Variants in CCND3 observed in about 807,000 individuals in gnomAD.
The protein encoded by CCND3 is G1/S-specific cyclin-D3.
In CCND3, 9 loss-of-function variants were observed where a neutral mutation model predicts 28.7. The observed-to-expected ratio is 0.31, with a 90% CI of 0.19 to 0.55. CCND3 has a LOEUF of 0.55. CCND3 is among the 20% of genes least tolerant of loss of function. The pLI is 0.93. For synonymous variants in CCND3, 164 were observed against 163.9 expected (o/e 1.00, Z 0.00); for missense variants, 315 against 385.8 (o/e 0.82, Z 1.54).
chr6:41,995,003 C>T (rs138695227), intron 1 of CCND3, among the ~76,000 whole-genome samples: 4,195 of 151,842 alleles, frequency 0.028, 185 homozygotes, highest in African/African-American at 0.093. Context: ...ACCCAGGAGG[C>T]GGAGGTTGCA....
intron 1 of CCND3, among the ~76,000 whole-genome samples, chr6:41,988,143 C>T (rs892562304): frequency 6.6e-6 from 1 of 151,794 alleles, no homozygotes; most frequent in Non-Finnish European, 1.5e-5. Flanking sequence ...TGGAGAAACC[C>T]TGTCTCTACT....
intron 1 of CCND3, among the ~76,000 whole-genome samples, chr6:41,962,579 C>A (rs1761749824): frequency 6.6e-6 from 1 of 152,110 alleles, no homozygotes; most frequent in Admixed American, 6.5e-5. Flanking sequence ...TAGCAAGACC[C>A]CGTCTCTACA....
At chr6:41,968,260 C>G (rs1435155818) in intron 1 of CCND3, among the ~76,000 whole-genome samples, 1 of 152,154 alleles carries the variant, frequency 6.6e-6, no homozygotes, top group Non-Finnish European at 1.5e-5. Context: ...AAATTTGACA[C>G]TAATCCTAAT....
rs1554161252 is a variant in CCND3 at position 41,964,475 on chromosome 6, A to AATGT, written c.-45-23891_-45-23890insACAT. Among the ~76,000 whole-genome samples the AATGT allele has an allele frequency of 9.2e-5, 10 of 108,154 alleles. No homozygotes were observed. The East Asian group carries it at 1.4e-3, about 15-fold the overall frequency. The allele number at this position is 108,154 out of a possible 152,430, so 71.0% of individuals were successfully genotyped here. A position where few individuals can be genotyped will look rare whatever the true frequency, so the allele number is the denominator to read the frequency against. ...GAGTCTGTGTGTGAGTGTGTGTGTGAGTGTGTGTGAATGTGTGTGTGTGAG... is the reference window on the plus strand; with the variant it reads ...GAGTCTGTGTGTGAGTGTGTGTGTGAATGTGTGTGTGTGAATGTGTGTGTGTGAG... On this transcript the variant is annotated intron_variant, in intron 1 of 4. Coordinates refer to the CCND3 transcript ENST00000372988.
intron 1 of CCND3, among the ~76,000 whole-genome samples, chr6:42,025,694 G>A (rs1228268185): frequency 2.6e-5 from 4 of 152,218 alleles, no homozygotes; most frequent in Non-Finnish European, 5.9e-5. Flanking sequence ...GCATTCATGG[G>A]CTCCCTTAGG....
intron 1 of CCND3, among the ~76,000 whole-genome samples, chr6:42,029,359 A>C (rs964124084): frequency 1.3e-5 from 2 of 152,034 alleles, no homozygotes; most frequent in African/African-American, 4.8e-5. Context: ...TATTATTAAC[A>C]TATATTTATT....
intron 1 of CCND3, among the ~76,000 whole-genome samples, chr6:42,027,136 C>A (rs1763898123): frequency 6.6e-6 from 1 of 152,156 alleles, no homozygotes; most frequent in Non-Finnish European, 1.5e-5. Context: ...TGAGTGCCTT[C>A]CAGGTGGTTA....
chr6:42,049,242 G>A (rs1004715760), upstream of CCND3, among the ~76,000 whole-genome samples: 1 of 152,094 alleles, frequency 6.6e-6, no homozygotes, highest in Non-Finnish European at 1.5e-5. Flanking sequence ...TCACCATGTT[G>A]GTCAGGCTGG....
intron 1 of CCND3, among the ~76,000 whole-genome samples, chr6:42,010,318 CCCCTGCCCCGGGG>C (rs531269959): frequency 1.3e-5 from 2 of 151,060 alleles, no homozygotes; most frequent in Non-Finnish European, 2.9e-5. Flanking sequence ...TTAACGGTGT[CCCCTGCCCCGGGG>C]CACTGCCCTC....
chr6:41,987,849 T>C (rs1762534009), intron 1 of CCND3, among the ~76,000 whole-genome samples: 1 of 151,734 alleles, frequency 6.6e-6, no homozygotes, highest in Non-Finnish European at 1.5e-5. Context: ...GGAATCTGCT[T>C]TGTGCTGAGG....
chr6:41,953,037 C>T (rs1372044179), intron 1 of CCND3, among the ~76,000 whole-genome samples: 3 of 151,982 alleles, frequency 2.0e-5, no homozygotes, highest in African/African-American at 7.3e-5. Flanking sequence ...TTTGGGAGGC[C>T]GAGCCAGGCA....
rs1280842631 is a variant in CCND3 at position 41,937,225 on chromosome 6, G to C, written c.574+10C>G. ...TTCCAATTTGGCAAAAATGTGCATA[G>C]GGCTCTTACCTGTAGCACAGAGGGC... On this transcript the variant is annotated intron_variant, in intron 3 of 4. Transcript: ENST00000372991. The C allele has an allele frequency of 6.2e-7, 1 of 1,614,052 alleles. No homozygotes were observed. Among genetic ancestry groups the C allele is most frequent in the Admixed American group, 1.7e-5 (1 of 60,006 alleles).
At chr6:41,992,542 G>C (rs992812332) in intron 1 of CCND3, among the ~76,000 whole-genome samples, 2 of 138,222 alleles carry the variant, frequency 1.4e-5, no homozygotes, top group South Asian at 2.6e-4. Flanking sequence ...TCCACCTCCC[G>C]GGTTCAGACA....
chr6:42,032,047 T>C (rs527933940), intron 1 of CCND3, among the ~76,000 whole-genome samples: 1 of 152,148 alleles, frequency 6.6e-6, no homozygotes, highest in Non-Finnish European at 1.5e-5. Flanking sequence ...TGCCTTGGCC[T>C]CCCAAAGTGC....
chr6:41,990,660 A>ATTTTTTTTTTTTTTTTTTTT lies in CCND3; in HGVS notation c.-45-50095_-45-50076dup, dbSNP rs67939325. Among the ~76,000 whole-genome samples, 6 of 121,276 alleles carry ATTTTTTTTTTTTTTTTTTTT rather than the reference A, an allele frequency of 4.9e-5. 3 individuals carry two copies. The highest frequency in any genetic ancestry group is 3.3e-5 in the Non-Finnish European group (2 of 60,716). 79.6% of individuals were successfully genotyped at this position (121,276 alleles called of 152,430 possible). A position where few individuals can be genotyped will look rare whatever the true frequency, so the allele number is the denominator to read the frequency against. Reference sequence around the variant, plus strand: ...TAGTCCATGAATCTATAACCAACTGATTTTTTTTTTTTTTTTTTTTTTTTT... The same window carrying ATTTTTTTTTTTTTTTTTTTT: ...TAGTCCATGAATCTATAACCAACTGATTTTTTTTTTTTTTTTTTTTTTTTTTTTTTTTTTTTTTTTTTTTT... On this transcript the variant is annotated intron_variant, in intron 1 of 4. Coordinates refer to the CCND3 transcript ENST00000372988.
At chr6:42,038,245 T>A (rs535884477) in intron 1 of CCND3, among the ~76,000 whole-genome samples, 8 of 152,034 alleles carry the variant, frequency 5.3e-5, no homozygotes, top group East Asian at 3.9e-4. Flanking sequence ...GGATTTTTTT[T>A]AACTATATTA....
chr6:42,042,386 G>C (rs1009535623), intron 1 of CCND3, among the ~76,000 whole-genome samples: 1 of 150,336 alleles, frequency 6.7e-6, no homozygotes, highest in Non-Finnish European at 1.5e-5. Flanking sequence ...TTGAGACGGA[G>C]TTCCGTTCTT....
chr6:42,044,956 C>CTTTTTTTTTT (rs1562002036), intron 1 of CCND3, among the ~76,000 whole-genome samples: 28 of 123,950 alleles, frequency 2.3e-4, no homozygotes, highest in African/African-American at 6.8e-4. Flanking sequence ...GCCCGGCTAA[C>CTTTTTTTTTT]GTTTTTTTTT....
Position 42,028,213 on chromosome 6 carries a change from G to C in CCND3, c.-46+20288C>G, listed in dbSNP as rs187857973. On this transcript the variant is annotated intron_variant, in intron 1 of 4. Coordinates refer to the CCND3 transcript ENST00000372988. Reference sequence around the variant, plus strand: ...GAATACGGAGGACACAGCTGGAGAGGAGACCTGATGACCTCCCTGGTGGAG... The same window carrying C: ...GAATACGGAGGACACAGCTGGAGAGCAGACCTGATGACCTCCCTGGTGGAG... Among the ~76,000 whole-genome samples, 232 of 152,310 alleles carry C rather than the reference G, an allele frequency of 1.5e-3. 3 individuals carry two copies. Among genetic ancestry groups the C allele is most frequent in the Admixed American group, 9.5e-3 (145 of 15,294 alleles).
Sources: gnomAD v4.1 joint callset for allele counts (sites outside exome capture counted in the v4.1 genomes callset) on GRCh38, gnomAD v4.1.1 for gene constraint, MANE v1.5 for transcripts, NCBI Gene and HGNC (gene_info 2026-07-23, HGNC 2026-07-21) for gene names.